Variants in WEE1 observed in about 807,000 individuals in gnomAD.
WEE1 encodes WEE1 G2 checkpoint kinase.
In WEE1, 16 loss-of-function variants were observed where a neutral mutation model predicts 68.8. The ratio of observed to expected loss-of-function variants is 0.23; its 90% CI spans 0.16 to 0.35. The LOEUF is 0.35. WEE1 is among the 10% of genes least tolerant of loss of function. The pLI, the probability that WEE1 is intolerant of heterozygous loss-of-function variation, is 1.00. For missense variants in WEE1, 651 were observed against 824.1 expected, an observed-to-expected ratio of 0.79 and a Z score of 2.57; for synonymous variants, 349 against 318.7, an observed-to-expected ratio of 1.09 and a Z score of -1.01.
rs1849580000 is a variant in WEE1 at position 9,577,757 on chromosome 11, C to G, written c.1141+494C>G. 4.7e-5 allele frequency: 19 copies of G among 408,308 alleles called. 2 individuals carry two copies. The highest frequency in any genetic ancestry group is 3.3e-4 in the South Asian group (18 of 54,944). 25.3% of individuals were successfully genotyped at this position (408,308 alleles called of 1,614,324 possible). ...TCCCACGTATCCAACCTAGTCTACC[C>G]TAGAATCCACTAACGCTTTATTATG... On this transcript the variant is annotated intron_variant, in intron 5 of 10. Transcript: ENST00000450114.
rs1353342259 is a variant in WEE1, at chr11:9,576,475, T to C, written c.847-12T>C. The stretch of plus-strand genomic sequence containing the variant: ...ATTTGTATTACATATATGGAAACAC[T>C]TTTTATTACAGAGAATTACAATTAC... On this transcript the variant is annotated splice_polypyrimidine_tract_variant and intron_variant, in intron 3 of 10. Transcript: ENST00000450114. This position sits in a 1 kb window ranked among gnomAD's most constrained non-coding sequence, Gnocchi z 4.3. 2.5e-6 allele frequency: 4 copies of C among 1,607,218 alleles called. No individual in the cohort carries two copies. Among genetic ancestry groups the C allele is most frequent in the South Asian group, 1.1e-5 (1 of 89,628 alleles).
At chr11:9,581,419 A>T in intron 5 of WEE1, 113 bp from the exon 6 acceptor site, 1 of 1,049,546 alleles carries the variant, frequency 9.5e-7, no homozygotes, top group Non-Finnish European at 1.3e-6. Flanking sequence ...AGAAGGTCCT[A>T]TAAAATAACA....
In WEE1 at chr11:9,573,865, C is replaced by G. The variant is rs1413753919; in HGVS notation, c.-69C>G. 1.1e-5 allele frequency: 13 copies of G among 1,179,984 alleles called. No individual in the cohort carries two copies. In the South Asian group the frequency reaches 1.3e-4, roughly 11 times the overall value. The allele number at this position is 1,179,984 out of a possible 1,614,324, so 73.1% of individuals were successfully genotyped here. A position where few individuals can be genotyped will look rare whatever the true frequency, so the allele number is the denominator to read the frequency against. On this transcript the variant is annotated 5_prime_UTR_variant, in exon 1 of 11. Coordinates refer to ENST00000450114, the MANE Select transcript of WEE1 (RefSeq NM_003390.4). ...CAGCCGCACGTGGCGGACCCGCCCCCAGGCCCGCAGTGTCCTGGACCCCGC... is the reference window on the plus strand; with the variant it reads ...CAGCCGCACGTGGCGGACCCGCCCCGAGGCCCGCAGTGTCCTGGACCCCGC...
chr11:9,579,316 C>T (rs987122866), intron 5 of WEE1: 3 of 152,198 alleles, frequency 2.0e-5, no homozygotes, highest in African/African-American at 4.8e-5. Context: ...CCGTTCCTCT[C>T]TCCACATAAA....
chr11:9,575,879 T>C lies in WEE1; in HGVS notation c.577-9T>C. 1.2e-6 allele frequency: 2 copies of C among 1,613,304 alleles called. No homozygotes were observed. Among genetic ancestry groups the C allele is most frequent in the South Asian group, 1.1e-5 (1 of 91,054 alleles). Reference sequence around the variant, plus strand: ...CCTAAAAATTGTATTTGTATTTTTCTTTCCCTAGAGTTTGCTCTCCAAAGC... The same window carrying C: ...CCTAAAAATTGTATTTGTATTTTTCCTTCCCTAGAGTTTGCTCTCCAAAGC... On this transcript the variant is annotated splice_polypyrimidine_tract_variant and intron_variant, in intron 1 of 10. Coordinates refer to ENST00000450114, the MANE Select transcript of WEE1 (RefSeq NM_003390.4).
chr11:9,589,103 A>C lies in WEE1; in HGVS notation c.*501A>C. 1.0e-6 allele frequency: 1 copy of C among 985,784 alleles called. No homozygotes were observed. Among genetic ancestry groups the C allele is most frequent in the Middle Eastern group, 5.2e-4 (1 of 1,914 alleles). 61.1% of individuals were successfully genotyped at this position (985,784 alleles called of 1,614,324 possible). On this transcript the variant is annotated 3_prime_UTR_variant, in exon 11 of 11. Transcript: ENST00000450114. Reference sequence around the variant, plus strand: ...GGGAGCACTTTGTAGGCATTGCATGAACCATGGGATGATGATTCTGTGGAG... The same window carrying C: ...GGGAGCACTTTGTAGGCATTGCATGCACCATGGGATGATGATTCTGTGGAG...
At position 9,588,942 on chromosome 11, in the gene WEE1, G is replaced by A; in HGVS notation, c.*340G>A. ...AGTGACCTGTAAAAAGTACTCAAGG[G>A]CTTTATTACAGACATACCCTCCCTT... On this transcript the variant is annotated 3_prime_UTR_variant, in exon 11 of 11. Transcript: ENST00000450114. The A allele has an allele frequency of 2.0e-6, 2 of 991,296 alleles. No individual in the cohort carries two copies. Among genetic ancestry groups the A allele is most frequent in the Non-Finnish European group, 1.2e-6 (1 of 833,552 alleles). The allele number at this position is 991,296 out of a possible 1,614,324, so 61.4% of individuals were successfully genotyped here.
At position 9,574,730 on chromosome 11, in the gene WEE1, A is replaced by C; in HGVS notation, c.576+221A>C. 27 of 1,024,842 alleles carry C rather than the reference A, an allele frequency of 2.6e-5. No individual in the cohort carries two copies. The highest frequency in any genetic ancestry group is 8.8e-5 in the East Asian group (1 of 11,348). The allele number at this position is 1,024,842 out of a possible 1,614,324, so 63.5% of individuals were successfully genotyped here. A position where few individuals can be genotyped will look rare whatever the true frequency, so the allele number is the denominator to read the frequency against. ...CCTCGTCTGGAACTTCATCTTACAA[A>C]GGGGCCGATCGGCCCGTCCGGGTGG... On this transcript the variant is annotated intron_variant, in intron 1 of 10. Transcript: ENST00000450114. This position sits in a 1 kb window ranked among gnomAD's most constrained non-coding sequence, Gnocchi z 4.9.
At chr11:9,577,803 A>G in intron 5 of WEE1, 1 of 448,336 alleles carries the variant, frequency 2.2e-6, no homozygotes, top group East Asian at 7.0e-5. Flanking sequence ...TTAGTTCTCT[A>G]GCTTGTCGTC....
At position 9,586,813 on chromosome 11, in the gene WEE1, A is replaced by G. The variant is rs750419276; in HGVS notation, c.1744A>G (p.Ile582Val). ...TAGAAAGAGTGCAGAACAATTACGAATAGAATTGAATGCCGAAAAGTTCAA... is the reference window on the plus strand; with the variant it reads ...TAGAAAGAGTGCAGAACAATTACGAGTAGAATTGAATGCCGAAAAGTTCAA... ...ASRKSAEQLR[I>V]ELNAEKFKNS... Residue 582 changes from isoleucine (I) to valine (V), a missense_variant, in exon 10 of 11, where the codon ATA (isoleucine) becomes GTA (valine). This residue lies in a region of WEE1 where 115 missense variants were observed against 142.7 expected (regional missense o/e 0.81). Coordinates refer to ENST00000450114, the MANE Select transcript of WEE1 (RefSeq NM_003390.4). 1 of 1,612,556 alleles carries G rather than the reference A, an allele frequency of 6.2e-7. No homozygotes were observed. Among genetic ancestry groups the G allele is most frequent in the South Asian group, 1.1e-5 (1 of 90,282 alleles).
Position 9,576,477 on chromosome 11 carries a change from T to C in WEE1, c.847-10T>C, listed in dbSNP as rs1219770526. 4 of 1,607,722 alleles carry C rather than the reference T, an allele frequency of 2.5e-6. No homozygotes were observed. The South Asian group carries it at 3.3e-5, about 13-fold the overall frequency. On this transcript the variant is annotated splice_polypyrimidine_tract_variant and intron_variant, in intron 3 of 10. Transcript: ENST00000450114. The surrounding 1 kb of genome is among the most constrained non-coding windows in gnomAD (Gnocchi z 4.3). Reference sequence around the variant, plus strand: ...TTGTATTACATATATGGAAACACTTTTTATTACAGAGAATTACAATTACTG... The same window carrying C: ...TTGTATTACATATATGGAAACACTTCTTATTACAGAGAATTACAATTACTG...
intron 5 of WEE1, chr11:9,578,074 G>A: frequency 2.9e-6 from 1 of 346,724 alleles, no homozygotes; most frequent in South Asian, 2.3e-5. Context: ...TCATACTCAA[G>A]TGTGAAATGT....
chr11:9,584,074 G>C (rs780641655), intron 6 of WEE1, among the ~76,000 whole-genome samples: 7 of 151,384 alleles, frequency 4.6e-5, no homozygotes, highest in Non-Finnish European at 7.4e-5. Flanking sequence ...TTGAACTTCT[G>C]ACCTCAAGTG....
Position 9,581,592 on chromosome 11 carries a change from C to G in WEE1, c.1202C>G (p.Ala401Gly), listed in dbSNP as rs1187748568. The change falls in exon 6 of 11, where the codon GCA (alanine) becomes GGA (glycine). Residue 401 changes from alanine to glycine, a missense_variant. Transcript: ENST00000450114. ...AGAATCATGAGTTACTTTAAAGAAG[C>G]AGAGTTGAAGGATCTCCTTTTGCAA... Reference protein sequence around the residue: ...NYRIMSYFKEAELKDLLLQVG... With the variant: ...NYRIMSYFKEGELKDLLLQVG... 6.2e-7 allele frequency: 1 copy of G among 1,612,602 alleles called. No individual in the cohort carries two copies. Among genetic ancestry groups the G allele is most frequent in the Non-Finnish European group, 8.5e-7 (1 of 1,179,776 alleles).
At chr11:9,585,978 CAG>C (rs1849695428) in intron 8 of WEE1, among the ~76,000 whole-genome samples, 1 of 152,188 alleles carries the variant, frequency 6.6e-6, no homozygotes, top group South Asian at 2.1e-4. Context: ...AAGAGTGTGA[CAG>C]TATTTCTTGA....
chr11:9,576,408 A>G lies in WEE1; in HGVS notation c.847-79A>G, dbSNP rs980262745. ...AGGTAGAATGGTTTTTAAATTTCAC[A>G]CATAGCCCTATCACCATAGCAAGAA... is the stretch of plus-strand genomic sequence containing the variant. On this transcript the variant is annotated intron_variant, in intron 3 of 10. Coordinates refer to ENST00000450114, the MANE Select transcript of WEE1 (RefSeq NM_003390.4). This position sits in a 1 kb window ranked among gnomAD's most constrained non-coding sequence, Gnocchi z 4.3. 11 of 1,564,394 alleles carry G rather than the reference A, an allele frequency of 7.0e-6. No individual in the cohort carries two copies. In the African/African-American group the frequency reaches 1.5e-4, roughly 21 times the overall value.
chr11:9,576,692 T>C lies in WEE1; in HGVS notation c.1019+33T>C. 6.3e-7 allele frequency: 1 copy of C among 1,595,616 alleles called. No homozygotes were observed. The highest frequency in any genetic ancestry group is 8.5e-7 in the Non-Finnish European group (1 of 1,172,876). On this transcript the variant is annotated intron_variant, in intron 4 of 10. Coordinates refer to ENST00000450114, the MANE Select transcript of WEE1 (RefSeq NM_003390.4). The surrounding 1 kb of genome is among the most constrained non-coding windows in gnomAD (Gnocchi z 4.3). ...TTAAACATTTTGTCTTTTGCTCTTTTGTCCCCTATGGTGTTACTAACATTA... is the reference window on the plus strand; with the variant it reads ...TTAAACATTTTGTCTTTTGCTCTTTCGTCCCCTATGGTGTTACTAACATTA...
intron 10 of WEE1, among the ~76,000 whole-genome samples, chr11:9,587,476 C>T (rs1367370595): frequency 6.6e-6 from 1 of 152,192 alleles, no homozygotes; most frequent in African/African-American, 2.4e-5. Flanking sequence ...CCCAGACTCT[C>T]ACCAAAAGTT....
At chr11:9,575,809 G>A in intron 1 of WEE1, 79 bp from the exon 2 acceptor site, 1 of 1,263,136 alleles carries the variant, frequency 7.9e-7, no homozygotes, top group South Asian at 1.3e-5. Flanking sequence ...CCTATGAAAG[G>A]CTCGTTGAAG....
Sources: gnomAD v4.1 joint callset for allele counts (sites outside exome capture counted in the v4.1 genomes callset) on GRCh38, gnomAD v4.1.1 for gene constraint, gnomAD v4.1.1 regional missense constraint, Gnocchi (gnomAD v3.1) non-coding constraint, MANE v1.5 for transcripts, NCBI Gene and HGNC (gene_info 2026-07-23, HGNC 2026-07-21) for gene names.